Variants in ELOVL6 observed in about 807,000 individuals in gnomAD.
ELOVL6 encodes the protein very long chain fatty acid elongase 6.
In ELOVL6, 8 loss-of-function variants were observed where a neutral mutation model predicts 31.7. That is an observed-to-expected ratio of 0.25 (90% CI 0.15 to 0.45). The LOEUF (loss-of-function observed/expected upper bound fraction) is 0.45, where lower values mean the gene tolerates loss of function less well. Ranked by LOEUF, ELOVL6 falls within the 20% of genes least tolerant of loss-of-function variation. ELOVL6 has a pLI of 1.00. For synonymous variants in ELOVL6, 101 were observed against 117.7 expected, an observed-to-expected ratio of 0.86 and a Z score of 0.92; for missense variants, 126 against 326.4, an observed-to-expected ratio of 0.39 and a Z score of 4.73.
intron 1 of ELOVL6, among the ~76,000 whole-genome samples, chr4:110,141,126 C>T (rs557877596): frequency 2.0e-5 from 3 of 152,052 alleles, no homozygotes; most frequent in South Asian, 2.1e-4. Flanking sequence ...TGCAATGGCA[C>T]GATCTCAGCT....
At chr4:110,069,173 G>GATAATAATAATAATAATAATAAT (rs1560805300) in intron 2 of ELOVL6, among the ~76,000 whole-genome samples, 2 of 102,850 alleles carry the variant, frequency 1.9e-5, no homozygotes, top group African/African-American at 7.3e-5. Context: ...ATAATAATAG[G>GATAATAATAATAATAATAATAAT]GACACTTGGT....
Position 110,117,881 on chromosome 4 carries a change from C to CAAAAAA in ELOVL6, c.90-12259_90-12254dup, listed in dbSNP as rs779775193. 2.4e-3 allele frequency: 5 copies of CAAAAAA among 2,064 alleles called. 1 individual carries two copies. The highest frequency in any genetic ancestry group is 3.6e-3 in the Non-Finnish European group (4 of 1,106). The allele number at this position is 2,064 out of a possible 1,614,324, so 0.1% of individuals were successfully genotyped here. A position where few individuals can be genotyped will look rare whatever the true frequency, so the allele number is the denominator to read the frequency against. ...TGGGCAACAGAGTGAGACTCTGTCT[C>CAAAAAA]AAAAAAAAAAAAAAAAAAAAAAATA... On this transcript the variant is annotated intron_variant, in intron 1 of 3. Transcript: ENST00000302274.
At chr4:110,156,554 C>A (rs1318105057) in intron 1 of ELOVL6, among the ~76,000 whole-genome samples, 1 of 152,160 alleles carries the variant, frequency 6.6e-6, no homozygotes, top group Non-Finnish European at 1.5e-5. Context: ...GGCATGGCAC[C>A]AAGCATCTGC....
At position 110,156,654 on chromosome 4, in the gene ELOVL6, C is replaced by G. The variant is rs977983104; in HGVS notation, c.89+41593G>C. On this transcript the variant is annotated intron_variant, in intron 1 of 3. Transcript: ENST00000302274. ...TGAGCTAGGATTGCACCACTGCACT[C>G]CAGCCTGGGCAACAGAGCGAGACCC... Among the ~76,000 whole-genome samples, 3 of 152,142 alleles carry G rather than the reference C, an allele frequency of 2.0e-5. No individual in the cohort carries two copies. In the South Asian group the frequency reaches 6.2e-4, roughly 32 times the overall value.
intron 1 of ELOVL6, among the ~76,000 whole-genome samples, chr4:110,137,637 A>G (rs1413575876): frequency 6.6e-6 from 1 of 152,200 alleles, no homozygotes; most frequent in African/African-American, 2.4e-5. Flanking sequence ...TTATTTATTA[A>G]TAGAATGTGG....
intron 1 of ELOVL6, among the ~76,000 whole-genome samples, chr4:110,115,780 T>C (rs1757152808): frequency 1.3e-5 from 2 of 152,214 alleles, no homozygotes; most frequent in South Asian, 4.1e-4. Context: ...AAATGTATTA[T>C]CTTACAGTTC....
chr4:110,196,590 C>A (rs1759797967), intron 1 of ELOVL6, among the ~76,000 whole-genome samples: 1 of 152,252 alleles, frequency 6.6e-6, no homozygotes, highest in Non-Finnish European at 1.5e-5. Flanking sequence ...CACCCCTGCA[C>A]CCCCTGGCCT....
At chr4:110,063,940 C>T (rs1190098432) in intron 2 of ELOVL6, among the ~76,000 whole-genome samples, 2 of 151,126 alleles carry the variant, frequency 1.3e-5, no homozygotes, top group South Asian at 2.1e-4. Context: ...TAGCCAGGTA[C>T]GGTGGTACAC....
chr4:110,112,987 G>GGCTGAGGCA lies in ELOVL6; in HGVS notation c.90-7368_90-7360dup, dbSNP rs369200196. On this transcript the variant is annotated intron_variant, in intron 1 of 3. Coordinates refer to ENST00000302274, the MANE Select transcript of ELOVL6 (RefSeq NM_024090.3). Reference sequence around the variant, plus strand: ...CGCCTGTAATCCCAGCACTTCGGGAGGCTGAGGCAGGCAGATCACGAGGTC... The same window carrying GGCTGAGGCA: ...CGCCTGTAATCCCAGCACTTCGGGAGGCTGAGGCAGCTGAGGCAGGCAGATCACGAGGTC... Among the ~76,000 whole-genome samples the GGCTGAGGCA allele has an allele frequency of 1.1e-3, 166 of 152,290 alleles. 1 individual carries two copies. The highest frequency in any genetic ancestry group is 3.8e-3 in the African/African-American group (158 of 41,564).
intron 1 of ELOVL6, among the ~76,000 whole-genome samples, chr4:110,190,500 CTTTT>C (rs912619736): frequency 6.6e-6 from 1 of 151,930 alleles, no homozygotes; most frequent in Non-Finnish European, 1.5e-5. Context: ...TTGGGCAATA[CTTTT>C]TTTGTTTTGT....
chr4:110,064,676 TG>T (rs1755246784), intron 2 of ELOVL6, among the ~76,000 whole-genome samples: 1 of 151,778 alleles, frequency 6.6e-6, no homozygotes, highest in South Asian at 2.1e-4. Flanking sequence ...TTAATGAAAA[TG>T]GGGTCTCATC....
At chr4:110,139,358 T>TA (rs1757891638) in intron 1 of ELOVL6, among the ~76,000 whole-genome samples, 1 of 152,190 alleles carries the variant, frequency 6.6e-6, no homozygotes, top group Non-Finnish European at 1.5e-5. Flanking sequence ...TTTTCAGCGA[T>TA]AAAAAGACAC....
chr4:110,051,380 C>T lies in ELOVL6; in HGVS notation c.756G>A (p.Glu252=). ...YLVLFCHFFF[E]AYIGKMRKTT... ...TTTTCCTCATTTTGCCGATGTAGGCCTCAAAGAAGAAATGGCAGAAGAGCA... is the reference window on the plus strand; with the variant it reads ...TTTTCCTCATTTTGCCGATGTAGGCTTCAAAGAAGAAATGGCAGAAGAGCA... Residue 252 remains glutamate (E), a synonymous_variant, in exon 4 of 4, where the codon GAG becomes GAA. Coordinates refer to ENST00000302274, the MANE Select transcript of ELOVL6 (RefSeq NM_024090.3). The surrounding 1 kb of genome is among the most constrained non-coding windows in gnomAD (Gnocchi z 4.8). 1.2e-6 allele frequency: 2 copies of T among 1,614,144 alleles called. No homozygotes were observed. The highest frequency in any genetic ancestry group is 8.5e-7 in the Non-Finnish European group (1 of 1,180,016).
intron 1 of ELOVL6, among the ~76,000 whole-genome samples, chr4:110,111,239 A>G (rs1311212637): frequency 1.3e-5 from 2 of 152,228 alleles, no homozygotes; most frequent in Non-Finnish European, 2.9e-5. Context: ...ACAACTGGAC[A>G]TAAGATTTTG....
chr4:110,087,600 C>T (rs998576087), intron 2 of ELOVL6, among the ~76,000 whole-genome samples: 1 of 152,124 alleles, frequency 6.6e-6, no homozygotes, highest in Admixed American at 6.5e-5. Context: ...GTCTCTGACA[C>T]CACTCCTCAT....
chr4:110,074,397 CTG>C (rs1382443357), intron 2 of ELOVL6, among the ~76,000 whole-genome samples: 2 of 152,164 alleles, frequency 1.3e-5, no homozygotes, highest in African/African-American at 4.8e-5. Context: ...GGAGGGCTGA[CTG>C]TAATTTCAGC....
At chr4:110,164,313 A>G (rs1170829589) in intron 1 of ELOVL6, among the ~76,000 whole-genome samples, 5 of 152,176 alleles carry the variant, frequency 3.3e-5, no homozygotes, top group African/African-American at 1.2e-4. Flanking sequence ...CCTGATGACA[A>G]GTTAAGGTGA....
At chr4:110,187,332 A>C (rs1276451806) in intron 1 of ELOVL6, among the ~76,000 whole-genome samples, 1 of 151,958 alleles carries the variant, frequency 6.6e-6, no homozygotes, top group Admixed American at 6.6e-5. Flanking sequence ...ACTGGACATG[A>C]AGTTTCCACC....
In ELOVL6 at chr4:110,083,980, C is replaced by CTATATA; in HGVS notation, c.221+21516_221+21517insTATATA. On this transcript the variant is annotated intron_variant, in intron 2 of 3. Transcript: ENST00000302274. The stretch of plus-strand genomic sequence containing the variant: ...TATGATATATATGATATAACATATG[C>CTATATA]CATATACGATATATAACATATGCCA... Among the ~76,000 whole-genome samples the CTATATA allele has an allele frequency of 2.8e-5, 2 of 71,696 alleles. 1 individual carries two copies. Among genetic ancestry groups the CTATATA allele is most frequent in the South Asian group, 8.8e-4 (2 of 2,270 alleles). 47.0% of individuals were successfully genotyped at this position (71,696 alleles called of 152,430 possible).
Sources: allele counts gnomAD v4.1 joint callset (sites outside exome capture counted in the v4.1 genomes callset), GRCh38; gene constraint gnomAD v4.1.1; non-coding constraint Gnocchi (gnomAD v3.1); transcripts MANE v1.5; gene names NCBI Gene and HGNC (gene_info 2026-07-23, HGNC 2026-07-21).